TBC1D24: variants seen among roughly 807,000 people sequenced by gnomAD.
TBC1D24 encodes Infantile myoclonic epilepsy.
In TBC1D24, 47 loss-of-function variants were observed where a neutral mutation model predicts 50.7. The ratio of observed to expected loss-of-function variants is 0.93; its 90% confidence interval spans 0.73 to 1.18. TBC1D24 has a LOEUF of 1.18. Ranked by LOEUF, TBC1D24 falls within the 50% of genes most tolerant of loss-of-function variation. TBC1D24 has a pLI of 0.00. For synonymous variants in TBC1D24, 324 were observed against 335.2 expected (o/e 0.97, Z 0.36); for missense variants, 688 against 766.5 (o/e 0.90, Z 1.21).
Position 2,499,121 on chromosome 16 carries a change from C to T in TBC1D24, c.1143-236C>T, listed in dbSNP as rs1417517169. 6.6e-6 allele frequency among the ~76,000 whole-genome samples: 1 copy of T among 152,178 alleles called. No individual in the cohort carries two copies. Among genetic ancestry groups the T allele is most frequent in the Non-Finnish European group, 1.5e-5 (1 of 68,018 alleles). On this transcript the variant is annotated intron_variant, in intron 4 of 7. Coordinates refer to ENST00000646147, the MANE Select transcript of TBC1D24 (RefSeq NM_001199107.2). The surrounding 1 kb of genome is among the most constrained non-coding windows in gnomAD (Gnocchi z 4.0). ...CCAGCCCCTGGCGCTTGGCTCTGCA[C>T]TGGGGCCTTCCACTGCAAGGCCTCT...
chr16:2,497,452 G>A (rs562355537), intron 2 of TBC1D24, among the ~76,000 whole-genome samples: 2 of 152,336 alleles, frequency 1.3e-5, no homozygotes, highest in African/African-American at 4.8e-5. Context: ...CTCCGTGGCT[G>A]GTCTCTGCTG....
chr16:2,498,273 TC>T lies in TBC1D24; in HGVS notation c.1021del (p.Arg341AlafsTer7). 1 of 1,611,712 alleles carries T rather than the reference TC, an allele frequency of 6.2e-7. No individual in the cohort carries two copies. The highest frequency in any genetic ancestry group is 8.5e-7 in the Non-Finnish European group (1 of 1,178,954). On this transcript the variant is annotated frameshift_variant, in exon 4 of 8. Coordinates refer to ENST00000646147, the MANE Select transcript of TBC1D24 (RefSeq NM_001199107.2). LOFTEE classifies it high-confidence loss of function. ...CACTTGGCCGTCCATGCAGAGAACT[TC>T]CGCTCGGAGATCGTCAGCGTGAGGG... ...FVHLAVHAEN[F>X]RSEIVSVREM...
intron 1 of TBC1D24, chr16:2,479,263 G>A (rs1326364966): frequency 1.3e-5 from 2 of 152,130 alleles, no homozygotes; most frequent in African/African-American, 2.4e-5. Flanking sequence ...TCCTTGCAGT[G>A]GCCTTCCTGT....
rs2065790704 is a variant in TBC1D24, at chr16:2,501,108, C to G, written c.*150C>G. ...ATGGCCAAGCCTGGCGTTGCCTGGA[C>G]CTGCTGCTGCCTCTACCTGGGGTTT... On this transcript the variant is annotated 3_prime_UTR_variant, in exon 8 of 8. Coordinates refer to ENST00000646147, the MANE Select transcript of TBC1D24 (RefSeq NM_001199107.2). 1.0e-6 allele frequency: 1 copy of G among 974,962 alleles called. No homozygotes were observed. The allele number at this position is 974,962 out of a possible 1,614,324, so 60.4% of individuals were successfully genotyped here.
intron 1 of TBC1D24, chr16:2,481,429 C>T (rs1332810155): frequency 6.6e-6 from 1 of 152,178 alleles, no homozygotes; most frequent in East Asian, 1.9e-4. Flanking sequence ...TGCACAACTC[C>T]ACCTCGAGCT....
In TBC1D24 at chr16:2,491,327, C is replaced by G. The variant is rs190013203; in HGVS notation, c.-115-4707C>G. ...CGTAATGAAAGACTTTTTTTTTAAC[C>G]TAAGGAAACCAATCTGGACCTCGTT... On this transcript the variant is annotated intron_variant, in intron 1 of 7. Transcript: ENST00000646147. 5.9e-4 allele frequency among the ~76,000 whole-genome samples: 89 copies of G among 151,898 alleles called. 1 individual carries two copies. The South Asian group carries it at 7.7e-3, about 13-fold the overall frequency.
chr16:2,477,880 G>T (rs923080079), intron 1 of TBC1D24: 1 of 152,330 alleles, frequency 6.6e-6, no homozygotes, highest in African/African-American at 2.4e-5. Context: ...AGGGACAGTG[G>T]ATATAAAGTG....
At chr16:2,488,206 G>A (rs1214602614) in intron 1 of TBC1D24, among the ~76,000 whole-genome samples, 2 of 152,202 alleles carry the variant, frequency 1.3e-5, no homozygotes, top group African/African-American at 4.8e-5. Context: ...GGATTTGGGG[G>A]TTTCTTGGAG....
rs1237824232 is a variant in TBC1D24, at chr16:2,482,586, GACACCAGGAGAGGGTTTCGGGTGGAGA to G, written c.-116+7419_-116+7445del. On this transcript the variant is annotated intron_variant, in intron 1 of 7. Coordinates refer to ENST00000646147, the MANE Select transcript of TBC1D24 (RefSeq NM_001199107.2). The surrounding 1 kb of genome is among the most constrained non-coding windows in gnomAD (Gnocchi z 5.2). ...AGGGGCTGGGTCCTGAAGGGCGGGGGACACCAGGAGAGGGTTTCGGGTGGAGAACGGTGACCGGGTGAAGCCCTGAGT... is the reference window on the plus strand; with the variant it reads ...AGGGGCTGGGTCCTGAAGGGCGGGGGACGGTGACCGGGTGAAGCCCTGAGT... Among the ~76,000 whole-genome samples, 1 of 152,156 alleles carries G rather than the reference GACACCAGGAGAGGGTTTCGGGTGGAGA, an allele frequency of 6.6e-6. No homozygotes were observed. Among genetic ancestry groups the G allele is most frequent in the African/African-American group, 2.4e-5 (1 of 41,428 alleles).
Position 2,475,170 on chromosome 16 carries a change from G to A in TBC1D24, c.-116G>A, listed in dbSNP as rs1295645690. The A allele has an allele frequency of 6.7e-6, 1 of 150,178 alleles. No homozygotes were observed. The highest frequency in any genetic ancestry group is 1.9e-4 in the East Asian group (1 of 5,184). 9.3% of individuals were successfully genotyped at this position (150,178 alleles called of 1,614,324 possible). A position where few individuals can be genotyped will look rare whatever the true frequency, so the allele number is the denominator to read the frequency against. On this transcript the variant is annotated splice_region_variant and 5_prime_UTR_variant, in exon 1 of 8. Transcript: ENST00000646147. The surrounding 1 kb of genome is among the most constrained non-coding windows in gnomAD (Gnocchi z 4.2). ...GGCTGAGGAGAAAGCGGCGCGCGGA[G>A]GTGGGTGCGCTCGGGGCGTGCGGGG...
chr16:2,491,205 A>G (rs2065692442), intron 1 of TBC1D24, among the ~76,000 whole-genome samples: 1 of 152,234 alleles, frequency 6.6e-6, no homozygotes, highest in South Asian at 2.1e-4. Flanking sequence ...GAAGGGGAGT[A>G]GGATTAGAGA....
rs1161623941 is a variant in TBC1D24 at position 2,504,630 on chromosome 16, AG to A, written c.*3674del. Reference sequence around the variant, plus strand: ...GAGATGGGGTTTCACCGTGTTAGCCAGGATGGTCTTGATCTCCTGACCTCGT... The same window carrying A: ...GAGATGGGGTTTCACCGTGTTAGCCAGATGGTCTTGATCTCCTGACCTCGT... On this transcript the variant is annotated 3_prime_UTR_variant, in exon 8 of 8. Transcript: ENST00000646147. The A allele has an allele frequency of 6.6e-6, 1 of 152,124 alleles. No homozygotes were observed. The highest frequency in any genetic ancestry group is 1.5e-5 in the Non-Finnish European group (1 of 68,030). 9.4% of individuals were successfully genotyped at this position (152,124 alleles called of 1,614,324 possible).
In TBC1D24 at chr16:2,475,671, C is replaced by T. The variant is rs2141848528; in HGVS notation, c.-116+501C>T. Among the ~76,000 whole-genome samples, 1 of 152,156 alleles carries T rather than the reference C, an allele frequency of 6.6e-6. No individual in the cohort carries two copies. Among genetic ancestry groups the T allele is most frequent in the African/African-American group, 2.4e-5 (1 of 41,478 alleles). On this transcript the variant is annotated intron_variant, in intron 1 of 7. Coordinates refer to ENST00000646147, the MANE Select transcript of TBC1D24 (RefSeq NM_001199107.2). The surrounding 1 kb of genome is among the most constrained non-coding windows in gnomAD (Gnocchi z 4.2). ...GACCACCCGCTTGGGGGTCCGCCAG[C>T]CCCCGGCCCTGTCCAGTGGGGGGCC...
In TBC1D24 at chr16:2,487,193, G is replaced by A. The variant is rs1410194370; in HGVS notation, c.-115-8841G>A. Among the ~76,000 whole-genome samples, 3 of 152,160 alleles carry A rather than the reference G, an allele frequency of 2.0e-5. No homozygotes were observed. Among genetic ancestry groups the A allele is most frequent in the South Asian group, 2.1e-4 (1 of 4,832 alleles). ...CCACAGGCTGCCTCCACACCTTTCCGCCCCTTCCACAGCAGCAGGCACAGC... is the reference window on the plus strand; with the variant it reads ...CCACAGGCTGCCTCCACACCTTTCCACCCCTTCCACAGCAGCAGGCACAGC... On this transcript the variant is annotated intron_variant, in intron 1 of 7. Transcript: ENST00000646147. This position sits in a 1 kb window ranked among gnomAD's most constrained non-coding sequence, Gnocchi z 4.1.
rs1172969040 is a variant in TBC1D24 at position 2,497,742 on chromosome 16, G to A, written c.983+15G>A. On this transcript the variant is annotated intron_variant, in intron 3 of 7. Transcript: ENST00000646147. ...CTTTCTAAAAGGTAGGTCTGAAACT[G>A]TATCTGCACACCTGGCCTCTGTCTT... 2 of 1,535,968 alleles carry A rather than the reference G, an allele frequency of 1.3e-6. No individual in the cohort carries two copies. Among genetic ancestry groups the A allele is most frequent in the Admixed American group, 2.0e-5 (1 of 51,000 alleles).
In TBC1D24 at chr16:2,496,023, TA is replaced by T; in HGVS notation, c.-115-9del. The stretch of plus-strand genomic sequence containing the variant: ...AACACAGATGCTAAAAGTGTTTTTT[TA>T]ATCCTGCAGGGTGTGAGATGGCAGA... On this transcript the variant is annotated splice_polypyrimidine_tract_variant and intron_variant, in intron 1 of 7. Transcript: ENST00000646147. 8.1e-7 allele frequency: 1 copy of T among 1,240,554 alleles called. No individual in the cohort carries two copies. Among genetic ancestry groups the T allele is most frequent in the Non-Finnish European group, 1.1e-6 (1 of 879,418 alleles). The allele number at this position is 1,240,554 out of a possible 1,614,324, so 76.8% of individuals were successfully genotyped here.
Position 2,501,018 on chromosome 16 carries a change from CT to C in TBC1D24, c.*61del. ...CGGTGGGCCGAGGCTGGGCTGCCGC[CT>C]CGGGCAGCAGAGAGCAGATGAAACC... On this transcript the variant is annotated 3_prime_UTR_variant, in exon 8 of 8. Coordinates refer to ENST00000646147, the MANE Select transcript of TBC1D24 (RefSeq NM_001199107.2). The C allele has an allele frequency of 6.3e-7, 1 of 1,595,222 alleles. No individual in the cohort carries two copies. The highest frequency in any genetic ancestry group is 1.3e-5 in the African/African-American group (1 of 74,946).
At chr16:2,477,846 G>A (rs1307798154) in intron 1 of TBC1D24, 2 of 152,318 alleles carry the variant, frequency 1.3e-5, no homozygotes, top group Admixed American at 1.3e-4. Context: ...GCAAGAACAA[G>A]TGAGGGAAAG....
rs779234824 is a variant in TBC1D24, at chr16:2,496,984, C to T, written c.836C>T (p.Thr279Met). Residue 279 changes from threonine (T) to methionine (M), a missense_variant, in exon 2 of 8, where the codon ACG becomes ATG. Thr to Met is a moderately conservative substitution (Grantham distance 81, BLOSUM62 -1). Coordinates refer to ENST00000646147, the MANE Select transcript of TBC1D24 (RefSeq NM_001199107.2). ...IRTFVRDIAKTVSPEKLLEKA... is the reference protein window; with the variant it reads ...IRTFVRDIAKMVSPEKLLEKA... Reference sequence around the variant, plus strand: ...ACGTTCGTCAGAGACATCGCGAAGACGGTGTCCCCTGAGAAGCTGCTGGAG... The same window carrying T: ...ACGTTCGTCAGAGACATCGCGAAGATGGTGTCCCCTGAGAAGCTGCTGGAG... 6 of 1,613,976 alleles carry T rather than the reference C, an allele frequency of 3.7e-6. No individual in the cohort carries two copies. Among genetic ancestry groups the T allele is most frequent in the Middle Eastern group, 1.6e-4 (1 of 6,062 alleles).
Sources: gnomAD v4.1 joint callset for allele counts (sites outside exome capture counted in the v4.1 genomes callset) on GRCh38, gnomAD v4.1.1 for gene constraint, Gnocchi (gnomAD v3.1) non-coding constraint, MANE v1.5 for transcripts, NCBI Gene and HGNC (gene_info 2026-07-23, HGNC 2026-07-21) for gene names.